DGKI: variants seen among roughly 807,000 people sequenced by gnomAD.
DGKI encodes the protein DAG kinase iota.
Under a neutral mutation model 147.5 loss-of-function variants are expected in DGKI, and 55 were observed. That is an observed-to-expected ratio of 0.37 (90% CI 0.30 to 0.47). The LOEUF (loss-of-function observed/expected upper bound fraction) is 0.47. DGKI is among the 20% of genes least tolerant of loss of function. The probability of loss-of-function intolerance (pLI) is 1.00; values close to 1 mark genes in which losing one functional copy is unlikely to be tolerated. For synonymous variants in DGKI, 469 were observed against 477.1 expected (o/e 0.98, Z 0.22); for missense variants, 1,007 against 1,323.8 (o/e 0.76, Z 3.71).
chr7:137,761,926 C>G (rs943811738), intron 1 of DGKI, among the ~76,000 whole-genome samples: 1 of 152,182 alleles, frequency 6.6e-6, no homozygotes, highest in Admixed American at 6.5e-5. Context: ...AAAGCCCAAG[C>G]CTGAAAACTG....
chr7:137,562,790 A>G (rs1274669125), intron 19 of DGKI, among the ~76,000 whole-genome samples: 5 of 152,152 alleles, frequency 3.3e-5, no homozygotes, highest in African/African-American at 1.2e-4. Flanking sequence ...TGCCTTAAAG[A>G]AATCTCAAAG....
intron 1 of DGKI, among the ~76,000 whole-genome samples, chr7:137,706,970 C>T (rs1794054410): frequency 1.3e-5 from 2 of 152,242 alleles, no homozygotes; most frequent in Non-Finnish European, 2.9e-5. Context: ...GGACTCTCAA[C>T]TTCACTGATT....
chr7:137,836,679 A>C (rs1404511498), intron 1 of DGKI, among the ~76,000 whole-genome samples: 1 of 152,180 alleles, frequency 6.6e-6, no homozygotes, highest in East Asian at 1.9e-4. Context: ...GCCCCAGGAA[A>C]CTGGATTTAT....
intron 8 of DGKI, among the ~76,000 whole-genome samples, chr7:137,614,046 G>A (rs1050595083): frequency 6.6e-6 from 1 of 151,958 alleles, no homozygotes; most frequent in African/African-American, 2.4e-5. Flanking sequence ...ATTTTTACAG[G>A]GAGCATATTT....
chr7:137,757,166 G>A (rs1016875551), intron 1 of DGKI, among the ~76,000 whole-genome samples: 9 of 151,726 alleles, frequency 5.9e-5, no homozygotes, highest in Non-Finnish European at 1.2e-4. Context: ...TCCACTTAAC[G>A]CTGCATCCAC....
chr7:137,404,208 C>T (rs1398911657), intron 30 of DGKI, among the ~76,000 whole-genome samples: 1 of 151,664 alleles, frequency 6.6e-6, no homozygotes, highest in East Asian at 1.9e-4. Flanking sequence ...CAATAAAATG[C>T]AAAGGTTAAT....
chr7:137,504,120 T>C (rs951566728), intron 21 of DGKI, among the ~76,000 whole-genome samples: 3 of 152,090 alleles, frequency 2.0e-5, no homozygotes, highest in Non-Finnish European at 4.4e-5. Context: ...ACTAAGTCCA[T>C]GTGAAAGTGA....
intron 1 of DGKI, among the ~76,000 whole-genome samples, chr7:137,833,759 G>C (rs1171020575): frequency 6.6e-6 from 1 of 152,192 alleles, no homozygotes; most frequent in East Asian, 1.9e-4. Context: ...TGCTATCAGG[G>C]TGGTGAGAGG....
chr7:137,759,987 T>C (rs1406632166), intron 1 of DGKI, among the ~76,000 whole-genome samples: 3 of 151,774 alleles, frequency 2.0e-5, no homozygotes, highest in African/African-American at 7.3e-5. Context: ...AGTGAGAAAA[T>C]AGAGCTAAAC....
chr7:137,645,144 G>A (rs1421655201), intron 6 of DGKI, among the ~76,000 whole-genome samples: 2 of 152,196 alleles, frequency 1.3e-5, no homozygotes, highest in African/African-American at 4.8e-5. Flanking sequence ...TTGATTTGCT[G>A]CGATTGGCCA....
At chr7:137,497,697 A>G (rs1486920771) in intron 21 of DGKI, among the ~76,000 whole-genome samples, 1 of 152,156 alleles carries the variant, frequency 6.6e-6, no homozygotes, top group Non-Finnish European at 1.5e-5. Flanking sequence ...AGGAACAGAA[A>G]TCGATTTAAT....
At chr7:137,593,846 A>C (rs1819699744) in intron 12 of DGKI, among the ~76,000 whole-genome samples, 1 of 152,220 alleles carries the variant, frequency 6.6e-6, no homozygotes, top group South Asian at 2.1e-4. Flanking sequence ...GCTTGCATTA[A>C]AGTTCCCTTG....
chr7:137,795,916 A>G (rs927991941), intron 1 of DGKI, among the ~76,000 whole-genome samples: 9 of 152,228 alleles, frequency 5.9e-5, no homozygotes, highest in African/African-American at 2.2e-4. Flanking sequence ...TGCTGCACAC[A>G]ACAAAGAACA....
At chr7:137,752,685 C>T (rs1193596693) in intron 1 of DGKI, among the ~76,000 whole-genome samples, 1 of 152,126 alleles carries the variant, frequency 6.6e-6, no homozygotes, top group Non-Finnish European at 1.5e-5. Context: ...TCACATAACC[C>T]CTGCTTGCTC....
At chr7:137,719,421 CA>C (rs1403937531) in intron 1 of DGKI, among the ~76,000 whole-genome samples, 1 of 152,058 alleles carries the variant, frequency 6.6e-6, no homozygotes, top group Admixed American at 6.6e-5. Context: ...CCCCCTGGAA[CA>C]CAAACCTATC....
chr7:137,682,139 G>A (rs1466504662), intron 2 of DGKI, among the ~76,000 whole-genome samples: 1 of 152,170 alleles, frequency 6.6e-6, no homozygotes, highest in Admixed American at 6.5e-5. Flanking sequence ...TACTGAAGCT[G>A]AGTGTGGTCT....
intron 7 of DGKI, among the ~76,000 whole-genome samples, chr7:137,622,503 C>G (rs1820786165): frequency 6.6e-6 from 1 of 152,172 alleles, no homozygotes; most frequent in African/African-American, 2.4e-5. Flanking sequence ...TATAAAGGCA[C>G]AGGGAATAAA....
chr7:137,832,795 A>G (rs553267332), intron 1 of DGKI, among the ~76,000 whole-genome samples: 1 of 152,338 alleles, frequency 6.6e-6, no homozygotes, highest in African/African-American at 2.4e-5. Flanking sequence ...TTTTATGCTC[A>G]GCTTCCCTTA....
intron 1 of DGKI, among the ~76,000 whole-genome samples, chr7:137,777,894 A>T (rs1280141480): frequency 6.6e-6 from 1 of 152,180 alleles, no homozygotes; most frequent in Non-Finnish European, 1.5e-5. Context: ...ATGACCAGAT[A>T]CCTAAAATTT....
Sources: gnomAD v4.1 joint callset for allele counts (sites outside exome capture counted in the v4.1 genomes callset) on GRCh38, gnomAD v4.1.1 for gene constraint, MANE v1.5 for transcripts, NCBI Gene and HGNC (gene_info 2026-07-23, HGNC 2026-07-21) for gene names.